MYCBP2: variants seen among roughly 807,000 people sequenced by gnomAD.
MYCBP2 encodes MYC binding protein 2, also known as E3 ubiquitin-protein ligase MYCBP2.
A neutral mutation model predicts 525.3 loss-of-function variants in MYCBP2; 120 were observed. The ratio of observed to expected loss-of-function variants is 0.23; its 90% CI spans 0.20 to 0.27. The LOEUF (loss-of-function observed/expected upper bound fraction) is 0.27. MYCBP2 is among the 10% of genes least tolerant of loss of function. MYCBP2 has a pLI of 1.00. For synonymous variants in MYCBP2, 1,894 were observed against 1,955.8 expected (o/e 0.97, Z 0.83); for missense variants, 4,149 against 5,657.1 (o/e 0.73, Z 8.55).
Position 77,098,912 on chromosome 13 carries a change from T to C in MYCBP2, c.8242A>G (p.Met2748Val), listed in dbSNP as rs777692259. ...TTCTGATCAGCAGTAGTCCGGCTCA[T>C]ACGTCCATCAGGTTTAAGCGATCTG... ...HSRSLKPDGR[M>V]SRTTADQKKP... Residue 2748 changes from methionine to valine, a missense_variant, in exon 56 of 83, where the codon ATG becomes GTG. This residue lies in a region of MYCBP2 where 653 missense variants were observed against 744.7 expected (regional missense o/e 0.88). Coordinates refer to ENST00000544440, the MANE Select transcript of MYCBP2 (RefSeq NM_015057.5). 2.5e-6 allele frequency: 4 copies of C among 1,613,730 alleles called. No homozygotes were observed. In the East Asian group the frequency reaches 6.7e-5, roughly 27 times the overall value.
chr13:77,302,528 T>A (rs982711149), intron 1 of MYCBP2, among the ~76,000 whole-genome samples: 5 of 152,064 alleles, frequency 3.3e-5, no homozygotes, highest in African/African-American at 9.7e-5. Flanking sequence ...ATAATTCACA[T>A]AAAGGATTCT....
chr13:77,135,354 A>G (rs956630090), intron 52 of MYCBP2, among the ~76,000 whole-genome samples: 3 of 152,260 alleles, frequency 2.0e-5, no homozygotes, highest in African/African-American at 4.8e-5. Flanking sequence ...CAGTAAATGT[A>G]TAAGACATAC....
intron 3 of MYCBP2, among the ~76,000 whole-genome samples, chr13:77,280,802 G>C (rs1386955032): frequency 3.3e-5 from 5 of 152,174 alleles, no homozygotes; most frequent in Non-Finnish European, 7.4e-5. Context: ...TGGTCACAAT[G>C]ATGATAGGGA....
At chr13:77,321,826 C>T (rs2081668695) in intron 1 of MYCBP2, among the ~76,000 whole-genome samples, 2 of 152,298 alleles carry the variant, frequency 1.3e-5, no homozygotes, top group African/African-American at 2.4e-5. Flanking sequence ...GAATTTGTGT[C>T]TTATAAATTT....
At chr13:77,139,579 G>T (rs2054277158) in intron 51 of MYCBP2, among the ~76,000 whole-genome samples, 1 of 152,018 alleles carries the variant, frequency 6.6e-6, no homozygotes, top group Admixed American at 6.6e-5. Context: ...AAAAACACAA[G>T]GAAACCACAC....
intron 20 of MYCBP2, among the ~76,000 whole-genome samples, chr13:77,224,087 T>C (rs926540908): frequency 6.6e-6 from 1 of 152,226 alleles, no homozygotes; most frequent in Non-Finnish European, 1.5e-5. Context: ...CAGGAATATG[T>C]TTGAATCCAT....
chr13:77,048,041 CT>C (rs2035956803), intron 82 of MYCBP2, among the ~76,000 whole-genome samples: 1 of 152,142 alleles, frequency 6.6e-6, no homozygotes, highest in Admixed American at 6.5e-5. Flanking sequence ...CAAAGAACTC[CT>C]GGCATTATCT....
intron 36 of MYCBP2, among the ~76,000 whole-genome samples, chr13:77,175,696 C>T (rs936632696): frequency 4.6e-5 from 7 of 152,132 alleles, no homozygotes; most frequent in Non-Finnish European, 1.0e-4. Flanking sequence ...CGCGGTGGCT[C>T]ACGCTTGTAA....
chr13:77,315,560 G>A (rs983015226), intron 1 of MYCBP2, among the ~76,000 whole-genome samples: 5 of 152,118 alleles, frequency 3.3e-5, no homozygotes, highest in African/African-American at 9.7e-5. Context: ...AACAGGTAGA[G>A]GAAAAGCATT....
chr13:77,199,865 G>A (rs964475793), intron 26 of MYCBP2, among the ~76,000 whole-genome samples: 1 of 152,112 alleles, frequency 6.6e-6, no homozygotes, highest in African/African-American at 2.4e-5. Context: ...CAAACAGAAA[G>A]GACATCCACA....
At position 77,243,957 on chromosome 13, in the gene MYCBP2, G is replaced by A. The variant is rs755534994; in HGVS notation, c.2382-6C>T. 2.1e-6 allele frequency: 3 copies of A among 1,435,880 alleles called. No individual in the cohort carries two copies. The highest frequency in any genetic ancestry group is 5.8e-5 in the Admixed American group (2 of 34,600). 88.9% of individuals were successfully genotyped at this position (1,435,880 alleles called of 1,614,324 possible). ...CGGAACCACAACCACAGATCCTAGG[G>A]GGAAATACAAAAAAAAAAAAAAAAG... On this transcript the variant is annotated splice_region_variant and splice_polypyrimidine_tract_variant and intron_variant, in intron 15 of 82. Transcript: ENST00000544440.
intron 22 of MYCBP2, among the ~76,000 whole-genome samples, chr13:77,211,686 T>C (rs1158780172): frequency 6.6e-6 from 1 of 152,206 alleles, no homozygotes; most frequent in African/African-American, 2.4e-5. Flanking sequence ...TCTCTTACTC[T>C]AATATGGATT....
chr13:77,202,779 A>G (rs2062792821), intron 26 of MYCBP2, among the ~76,000 whole-genome samples: 1 of 152,344 alleles, frequency 6.6e-6, no homozygotes, highest in African/African-American at 2.4e-5. Flanking sequence ...TATAAACAGA[A>G]CCAAAGACAA....
intron 23 of MYCBP2, among the ~76,000 whole-genome samples, chr13:77,210,041 C>T (rs756745708): frequency 2.0e-5 from 3 of 152,130 alleles, no homozygotes; most frequent in African/African-American, 7.2e-5. Flanking sequence ...TGGAATCTTG[C>T]CTACTAAGGC....
Position 77,278,917 on chromosome 13 carries a change from T to A in MYCBP2, c.595-6A>T, listed in dbSNP as rs1423770917. The A allele has an allele frequency of 1.3e-6, 2 of 1,550,540 alleles. No individual in the cohort carries two copies. The highest frequency in any genetic ancestry group is 1.4e-5 in the African/African-American group (1 of 71,550). On this transcript the variant is annotated splice_polypyrimidine_tract_variant and splice_region_variant and intron_variant, in intron 3 of 82. Transcript: ENST00000544440. ...CAAAGGCCAACCTCAATAATCTATT[T>A]AAAAGGAAAAAATATATATACTTTA... is the stretch of plus-strand genomic sequence containing the variant.
chr13:77,267,986 G>T, intron 7 of MYCBP2, 49 bp from the exon 8 acceptor site: 1 of 1,190,354 alleles, frequency 8.4e-7, no homozygotes, highest in Non-Finnish European at 1.2e-6. Context: ...TACTAATTCA[G>T]CAGAAACAGC....
intron 55 of MYCBP2, among the ~76,000 whole-genome samples, chr13:77,113,204 C>A (rs2154147629): frequency 6.6e-6 from 1 of 152,304 alleles, no homozygotes; most frequent in South Asian, 2.1e-4. Context: ...GATAAATTCT[C>A]ACAAGTCCTT....
chr13:77,230,716 A>G (rs1053174021), intron 18 of MYCBP2, among the ~76,000 whole-genome samples: 1 of 152,220 alleles, frequency 6.6e-6, no homozygotes, highest in African/African-American at 2.4e-5. Flanking sequence ...CCACCCACGT[A>G]GACAAACTGT....
At chr13:77,083,727 C>T (rs1252423262) in intron 62 of MYCBP2, among the ~76,000 whole-genome samples, 1 of 151,980 alleles carries the variant, frequency 6.6e-6, no homozygotes, top group Non-Finnish European at 1.5e-5. Flanking sequence ...CCTCAGATGG[C>T]TCCATTAATA....
Sources: gnomAD v4.1 joint callset for allele counts (sites outside exome capture counted in the v4.1 genomes callset) on GRCh38, gnomAD v4.1.1 for gene constraint, gnomAD v4.1.1 regional missense constraint, MANE v1.5 for transcripts, NCBI Gene and HGNC (gene_info 2026-07-23, HGNC 2026-07-21) for gene names.